The following ABHD2 variants were observed in gnomAD, a reference collection of about 807,000 sequenced individuals.
The protein encoded by ABHD2 is abhydrolase domain containing 2, acylglycerol lipase.
A neutral mutation model predicts 48.1 loss-of-function variants in ABHD2; 20 were observed. The ratio of observed to expected loss-of-function variants is 0.42; its 90% confidence interval spans 0.29 to 0.60. The LOEUF is 0.60. Among genes scored for constraint, ABHD2 ranks in the 20% least tolerant of loss-of-function variants. ABHD2 has a pLI of 0.24. For missense variants in ABHD2, 405 were observed against 550.9 expected (o/e 0.74, Z 2.65); for synonymous variants, 209 against 214.2 (o/e 0.98, Z 0.21).
chr15:89,150,110 ATATTG>A (rs1480712923), intron 3 of ABHD2, among the ~76,000 whole-genome samples: 20 of 152,254 alleles, frequency 1.3e-4, no homozygotes, highest in African/African-American at 4.8e-4. Context: ...TTCTGAGATT[ATATTG>A]TATTCTAAAC....
the ABHD2 span, among the ~76,000 whole-genome samples, chr15:89,068,326 A>G: frequency 0.39 from 58,850 of 152,012 alleles, 12,181 homozygotes; most frequent in African/African-American, 0.52. Flanking sequence ...TTTTGCATAC[A>G]GAGTCTTTGA....
chr15:89,085,768 T>C (rs972284892), upstream of ABHD2, among the ~76,000 whole-genome samples: 1 of 152,228 alleles, frequency 6.6e-6, no homozygotes, highest in Admixed American at 6.5e-5. The surrounding 1 kb of genome is among the most constrained non-coding windows in gnomAD (Gnocchi z 4.2). Context: ...TTTTTGTGGC[T>C]CTGAATCAAG....
At chr15:89,128,845 AG>A (rs1248199935) in intron 3 of ABHD2, among the ~76,000 whole-genome samples, 1 of 152,038 alleles carries the variant, frequency 6.6e-6, no homozygotes, top group Non-Finnish European at 1.5e-5. Flanking sequence ...AGAGAGGAAG[AG>A]TTTGGGCTTG....
At chr15:89,119,898 G>A (rs541447108) in intron 3 of ABHD2, among the ~76,000 whole-genome samples, 1 of 152,280 alleles carries the variant, frequency 6.6e-6, no homozygotes, top group South Asian at 2.1e-4. Flanking sequence ...CTGGGACTTT[G>A]AAGATTTTTT....
At chr15:89,158,388 G>A (rs1218722924) in intron 5 of ABHD2, among the ~76,000 whole-genome samples, 8 of 152,238 alleles carry the variant, frequency 5.3e-5, no homozygotes, top group African/African-American at 1.7e-4. Flanking sequence ...GTGCTGTACT[G>A]TTGGGGCTGT....
intron 3 of ABHD2, among the ~76,000 whole-genome samples, chr15:89,133,990 C>A (rs1324181286): frequency 2.0e-5 from 3 of 152,014 alleles, no homozygotes; most frequent in African/African-American, 7.3e-5. Flanking sequence ...GTGCCTGCCA[C>A]CACGACCGGC....
chr15:89,190,597 A>G (rs549753755), intron 8 of ABHD2, among the ~76,000 whole-genome samples: 141 of 152,308 alleles, frequency 9.3e-4, no homozygotes, highest in African/African-American at 3.3e-3. Flanking sequence ...TTATACTGCC[A>G]CAAGAGATGT....
At chr15:89,107,366 T>C (rs922510302) in intron 1 of ABHD2, among the ~76,000 whole-genome samples, 3 of 152,126 alleles carry the variant, frequency 2.0e-5, no homozygotes, top group Admixed American at 6.5e-5. Context: ...TTTAAACTCA[T>C]TGGAGGAGGC....
At chr15:89,086,739 C>T (rs1321832593), upstream of ABHD2, among the ~76,000 whole-genome samples, 1 of 152,204 alleles carries the variant, frequency 6.6e-6, no homozygotes, top group East Asian at 1.9e-4. Flanking sequence ...GATAGCTACA[C>T]CAAGCTAGTT....
At chr15:89,081,052 T>C in the ABHD2 span, among the ~76,000 whole-genome samples, 2 of 150,524 alleles carry the variant, frequency 1.3e-5, no homozygotes, top group Admixed American at 6.7e-5. Context: ...CTGGCTGGAG[T>C]ACAGTGGCAC....
rs1004293060 is a variant in ABHD2 at position 89,094,826 on chromosome 15, G to A, written c.-107+6263G>A. ...ACCTGTAATCCCAGTACTTTGAGAGGCCGAGGCAGGCGGATCACTTGAGAC... is the reference window on the plus strand; with the variant it reads ...ACCTGTAATCCCAGTACTTTGAGAGACCGAGGCAGGCGGATCACTTGAGAC... On this transcript the variant is annotated intron_variant, in intron 1 of 10. Coordinates refer to ENST00000352732, the MANE Select transcript of ABHD2 (RefSeq NM_152924.5). The surrounding 1 kb of genome is among the most constrained non-coding windows in gnomAD (Gnocchi z 4.7). 6.6e-6 allele frequency among the ~76,000 whole-genome samples: 1 copy of A among 152,040 alleles called. No individual in the cohort carries two copies. The highest frequency in any genetic ancestry group is 1.5e-5 in the Non-Finnish European group (1 of 68,016).
intron 3 of ABHD2, among the ~76,000 whole-genome samples, chr15:89,144,663 T>A (rs1174097017): frequency 6.6e-6 from 1 of 152,054 alleles, no homozygotes; most frequent in Non-Finnish European, 1.5e-5. Flanking sequence ...AGAGAGCAGA[T>A]TAGTGGTTGC....
At chr15:89,052,987 A>AG in the ABHD2 span, among the ~76,000 whole-genome samples, 50 of 125,076 alleles carry the variant, frequency 4.0e-4, no homozygotes, top group African/African-American at 1.5e-3. Flanking sequence ...TTTTTTTTTG[A>AG]GATGGAATCT....
At chr15:89,068,095 C>T in the ABHD2 span, among the ~76,000 whole-genome samples, 5 of 152,126 alleles carry the variant, frequency 3.3e-5, no homozygotes, top group African/African-American at 4.8e-5. Flanking sequence ...ACTTCTACCC[C>T]TCAGGGTCTC....
Position 89,185,469 on chromosome 15 carries a change from C to T in ABHD2, c.768C>T (p.Tyr256=). ...FMQWDQCRRF[Y]NFLMADNMKK... ...AATGGGATCAGTGCCGGCGGTTCTA[C>T]AACTTCCTCATGGCTGACAACATGA... Residue 256 remains tyrosine (Y), a synonymous_variant, in exon 7 of 11, where the codon TAC becomes TAT. Coordinates refer to ENST00000352732, the MANE Select transcript of ABHD2 (RefSeq NM_152924.5). The surrounding 1 kb of genome is among the most constrained non-coding windows in gnomAD (Gnocchi z 5.9). The T allele has an allele frequency of 1.2e-6, 2 of 1,614,206 alleles. No homozygotes were observed. Among genetic ancestry groups the T allele is most frequent in the Non-Finnish European group, 8.5e-7 (1 of 1,180,034 alleles).
intron 1 of ABHD2, among the ~76,000 whole-genome samples, chr15:89,113,151 C>G (rs1203623310): frequency 6.6e-6 from 1 of 152,184 alleles, no homozygotes; most frequent in African/African-American, 2.4e-5. Context: ...TCTGGCGCTT[C>G]TCAGCAGCCA....
At chr15:89,130,786 C>T (rs200212692) in intron 3 of ABHD2, among the ~76,000 whole-genome samples, 1 of 152,148 alleles carries the variant, frequency 6.6e-6, no homozygotes, top group East Asian at 1.9e-4. Flanking sequence ...CATCAGCTGT[C>T]ATTAGTGTTA....
intron 3 of ABHD2, among the ~76,000 whole-genome samples, chr15:89,124,403 G>T (rs2050100981): frequency 6.6e-6 from 1 of 152,036 alleles, no homozygotes; most frequent in Non-Finnish European, 1.5e-5. Flanking sequence ...CTTCCAGTCA[G>T]ATTGCCACCC....
rs2050487720 is a variant in ABHD2 at position 89,146,169 on chromosome 15, T to TAA, written c.195-5508_195-5507insAA. 6.6e-6 allele frequency among the ~76,000 whole-genome samples: 1 copy of TAA among 152,142 alleles called. No individual in the cohort carries two copies. Among genetic ancestry groups the TAA allele is most frequent in the African/African-American group, 2.4e-5 (1 of 41,410 alleles). On this transcript the variant is annotated intron_variant, in intron 3 of 10. Coordinates refer to ENST00000352732, the MANE Select transcript of ABHD2 (RefSeq NM_152924.5). The surrounding 1 kb of genome is among the most constrained non-coding windows in gnomAD (Gnocchi z 4.2). ...AGAATCAAAGGAAATAACAGTGAAG[T>TAA]CTGAGTTTAATCACTAGCTATAAAA... is the stretch of plus-strand genomic sequence containing the variant.
Sources: gnomAD v4.1 joint callset for allele counts (sites outside exome capture counted in the v4.1 genomes callset) on GRCh38, gnomAD v4.1.1 for gene constraint, Gnocchi (gnomAD v3.1) non-coding constraint, MANE v1.5 for transcripts, NCBI Gene and HGNC (gene_info 2026-07-23, HGNC 2026-07-21) for gene names.